The following TRAPPC6B variants were observed in gnomAD, a reference collection of about 807,000 sequenced individuals.
TRAPPC6B encodes trafficking protein particle complex subunit 6B, also known as TRAPP complex subunit 6B.
Under a neutral mutation model 24.7 loss-of-function variants are expected in TRAPPC6B, and 27 were observed. The ratio of observed to expected loss-of-function variants is 1.09; its 90% CI spans 0.81 to 1.51. The LOEUF (loss-of-function observed/expected upper bound fraction) is 1.51, where lower values mean the gene tolerates loss of function less well. TRAPPC6B is among the 40% of genes most tolerant of loss of function. The pLI is 0.00. For synonymous variants in TRAPPC6B, 80 were observed against 66.6 expected, an observed-to-expected ratio of 1.20 and a Z score of -0.98; for missense variants, 212 against 190.8, an observed-to-expected ratio of 1.11 and a Z score of -0.66.
intron 4 of TRAPPC6B, among the ~76,000 whole-genome samples, chr14:39,152,071 C>T (rs1291171116): frequency 6.6e-6 from 1 of 152,130 alleles, no homozygotes; most frequent in Non-Finnish European, 1.5e-5. Flanking sequence ...TACTCCAGTC[C>T]AGGACTGTGA....
rs902528580 is a variant in TRAPPC6B at position 39,170,151 on chromosome 14, G to T, written c.-56C>A. On this transcript the variant is annotated 5_prime_UTR_variant, in exon 1 of 6. Coordinates refer to ENST00000330149, the MANE Select transcript of TRAPPC6B (RefSeq NM_001079537.2). ...TGGCTCCCGTTTGAGCTGGTCTGGGGGTTCCAGCTCGCGCCTCAGCGACTT... is the reference window on the plus strand; with the variant it reads ...TGGCTCCCGTTTGAGCTGGTCTGGGTGTTCCAGCTCGCGCCTCAGCGACTT... 1 of 1,568,710 alleles carries T rather than the reference G, an allele frequency of 6.4e-7. No homozygotes were observed. Among genetic ancestry groups the T allele is most frequent in the Non-Finnish European group, 8.7e-7 (1 of 1,145,748 alleles).
At chr14:39,166,940 C>G (rs540913412) in intron 1 of TRAPPC6B, among the ~76,000 whole-genome samples, 1 of 152,306 alleles carries the variant, frequency 6.6e-6, no homozygotes, top group Admixed American at 6.5e-5. Flanking sequence ...TAATAAAACT[C>G]TGCTCTCCCA....
chr14:39,168,229 A>AAG (rs1408299953), intron 1 of TRAPPC6B, among the ~76,000 whole-genome samples: 1 of 143,558 alleles, frequency 7.0e-6, no homozygotes, highest in African/African-American at 2.5e-5. Flanking sequence ...AAAAAAAAAA[A>AAG]AGAGAGAGAG....
intron 4 of TRAPPC6B, among the ~76,000 whole-genome samples, 154 bp downstream of exon 4, chr14:39,154,057 T>C (rs964704537): frequency 2.6e-5 from 4 of 152,208 alleles, no homozygotes; most frequent in Non-Finnish European, 5.9e-5. Flanking sequence ...TTTAGTGTTA[T>C]TGTAACATGT....
At position 39,149,470 on chromosome 14, in the gene TRAPPC6B, G is replaced by A. The variant is rs1394682893; in HGVS notation, c.*880C>T. 1.3e-5 allele frequency: 2 copies of A among 152,114 alleles called. No individual in the cohort carries two copies. Among genetic ancestry groups the A allele is most frequent in the African/African-American group, 4.8e-5 (2 of 41,414 alleles). The allele number at this position is 152,114 out of a possible 1,614,324, so 9.4% of individuals were successfully genotyped here. The stretch of plus-strand genomic sequence containing the variant: ...GTAAGAGAAAGTAAGTAGAAGAGGT[G>A]GTAAGAAAGATATATCAGATGAGCA... On this transcript the variant is annotated 3_prime_UTR_variant, in exon 6 of 6. Transcript: ENST00000330149.
At chr14:39,160,987 A>C (rs2053051620) in intron 1 of TRAPPC6B, among the ~76,000 whole-genome samples, 1 of 152,212 alleles carries the variant, frequency 6.6e-6, no homozygotes, top group Non-Finnish European at 1.5e-5. Context: ...TTAGGAGAAA[A>C]CCAAGTGGAT....
At chr14:39,151,251 G>A (rs978832484) in intron 5 of TRAPPC6B, among the ~76,000 whole-genome samples, 8 of 151,884 alleles carry the variant, frequency 5.3e-5, no homozygotes, top group East Asian at 1.9e-4. Context: ...TTAGCTGGGC[G>A]TGGTGGCAGG....
rs550943956 is a variant in TRAPPC6B at position 39,164,602 on chromosome 14, G to A, written c.82-5052C>T. Among the ~76,000 whole-genome samples, 7 of 152,270 alleles carry A rather than the reference G, an allele frequency of 4.6e-5. No homozygotes were observed. The South Asian group carries it at 1.5e-3, about 32-fold the overall frequency. On this transcript the variant is annotated intron_variant, in intron 1 of 5. Transcript: ENST00000330149. ...TCATGCCTGTAAATCCCAGTACATT[G>A]GGAGGCCAAGGATTGCTTGAGCTTA...
intron 3 of TRAPPC6B, 94 bp downstream of exon 3, chr14:39,158,191 A>G: frequency 1.4e-6 from 1 of 712,608 alleles, no homozygotes; most frequent in South Asian, 2.0e-5. Flanking sequence ...AAAGTTAACC[A>G]GAAATTATTT....
At chr14:39,156,274 C>G (rs1044092098) in intron 3 of TRAPPC6B, among the ~76,000 whole-genome samples, 1 of 152,074 alleles carries the variant, frequency 6.6e-6, no homozygotes, top group African/African-American at 2.4e-5. Flanking sequence ...CCATTGAGCC[C>G]AAGAGTTTGA....
intron 1 of TRAPPC6B, among the ~76,000 whole-genome samples, chr14:39,163,312 A>G (rs183206870): frequency 6.7e-6 from 1 of 148,856 alleles, no homozygotes; most frequent in Non-Finnish European, 1.5e-5. Context: ...CAGAGATTGC[A>G]GCGAGCCGAG....
chr14:39,150,452 G>T, intron 5 of TRAPPC6B, 71 bp from the exon 6 acceptor site: 1 of 1,129,764 alleles, frequency 8.9e-7, no homozygotes, highest in East Asian at 2.5e-5. Flanking sequence ...TCAATTTTCT[G>T]TTCCATATAG....
At chr14:39,157,008 C>T (rs2052986840) in intron 3 of TRAPPC6B, among the ~76,000 whole-genome samples, 1 of 151,202 alleles carries the variant, frequency 6.6e-6, no homozygotes, top group Non-Finnish European at 1.5e-5. Flanking sequence ...TACCTGGGAG[C>T]CTGAGGCAGA....
intron 4 of TRAPPC6B, among the ~76,000 whole-genome samples, chr14:39,153,508 C>T (rs972556827): frequency 4.0e-5 from 6 of 151,490 alleles, no homozygotes; most frequent in South Asian, 2.1e-4. Context: ...CCCACACCTG[C>T]AGTCCTACCT....
intron 3 of TRAPPC6B, 27 bp from the exon 4 acceptor site, chr14:39,154,321 A>C (rs773869116): frequency 1.4e-5 from 19 of 1,380,132 alleles, no homozygotes; most frequent in Non-Finnish European, 2.0e-5. Context: ...AAAAAAATCC[A>C]AAGTCAATGT....
chr14:39,153,630 TAAA>T (rs1297497878), intron 4 of TRAPPC6B, among the ~76,000 whole-genome samples: 1 of 135,436 alleles, frequency 7.4e-6, no homozygotes. Context: ...GACCTTGTCT[TAAA>T]AAAAAAAAAA....
rs1594534246 is a variant in TRAPPC6B at position 39,153,278 on chromosome 14, T to C, written c.351+933A>G. 1.4e-5 allele frequency among the ~76,000 whole-genome samples: 2 copies of C among 142,756 alleles called. 1 individual carries two copies. The highest frequency in any genetic ancestry group is 6.7e-3 in the Middle Eastern group (2 of 298). 93.7% of individuals were successfully genotyped at this position (142,756 alleles called of 152,430 possible). On this transcript the variant is annotated intron_variant, in intron 4 of 5. Coordinates refer to ENST00000330149, the MANE Select transcript of TRAPPC6B (RefSeq NM_001079537.2). ...CGAAAAAAAAAAAAAAGAGAGAAAA[T>C]ATACACATTAACCATAAAAATGTAA...
chr14:39,170,213 C>T lies in TRAPPC6B; in HGVS notation c.-118G>A, dbSNP rs1415216017. On this transcript the variant is annotated 5_prime_UTR_variant, in exon 1 of 6. Coordinates refer to ENST00000330149, the MANE Select transcript of TRAPPC6B (RefSeq NM_001079537.2). ...CGGCTCCGTCAGGCCGCCATTCTATCCCTGTGGCTAAGAGACCGAGGTATT... is the reference window on the plus strand; with the variant it reads ...CGGCTCCGTCAGGCCGCCATTCTATTCCTGTGGCTAAGAGACCGAGGTATT... 18 of 925,072 alleles carry T rather than the reference C, an allele frequency of 1.9e-5. No homozygotes were observed. Among genetic ancestry groups the T allele is most frequent in the Non-Finnish European group, 2.9e-5 (17 of 590,986 alleles). The allele number at this position is 925,072 out of a possible 1,614,324, so 57.3% of individuals were successfully genotyped here. A position where few individuals can be genotyped will look rare whatever the true frequency, so the allele number is the denominator to read the frequency against.
At chr14:39,164,253 G>A (rs2053086168) in intron 1 of TRAPPC6B, among the ~76,000 whole-genome samples, 1 of 152,150 alleles carries the variant, frequency 6.6e-6, no homozygotes, top group Admixed American at 6.5e-5. Flanking sequence ...CATTTTGGGA[G>A]GCCGAGGCAG....
Sources: gnomAD v4.1 joint callset for allele counts (sites outside exome capture counted in the v4.1 genomes callset) on GRCh38, gnomAD v4.1.1 for gene constraint, MANE v1.5 for transcripts, NCBI Gene and HGNC (gene_info 2026-07-23, HGNC 2026-07-21) for gene names.